CBFA2T2: variants seen among roughly 807,000 people sequenced by gnomAD.
The protein encoded by CBFA2T2 is protein CBFA2T2.
In CBFA2T2, 11 loss-of-function variants were observed where a neutral mutation model predicts 62.2. That is an observed-to-expected ratio of 0.18 (90% CI 0.11 to 0.29). The LOEUF is 0.29. CBFA2T2 is among the 10% of genes least tolerant of loss of function. The pLI is 1.00. For missense variants in CBFA2T2, 592 were observed against 774.1 expected (o/e 0.76, Z 2.79); for synonymous variants, 295 against 287.5 (o/e 1.03, Z -0.27).
In CBFA2T2 at chr20:33,625,517, A is replaced by C. The variant is rs74415419; in HGVS notation, c.946+500A>C. Reference sequence around the variant, plus strand: ...ATAAAGGGGTATCGCCTATTCTCAGATGGTTCAGAAGAAGAGAATGAAAAA... The same window carrying C: ...ATAAAGGGGTATCGCCTATTCTCAGCTGGTTCAGAAGAAGAGAATGAAAAA... On this transcript the variant is annotated intron_variant, in intron 6 of 10. Transcript: ENST00000342704. Among the ~76,000 whole-genome samples, 958 of 152,336 alleles carry C rather than the reference A, an allele frequency of 6.3e-3. 5 individuals are homozygous for C. The highest frequency in any genetic ancestry group is 0.022 in the African/African-American group (907 of 41,568).
rs2017185381 is a variant in CBFA2T2 at position 33,649,761 on chromosome 20, G to A, written c.*5115G>A. On this transcript the variant is annotated 3_prime_UTR_variant, in exon 11 of 11. Coordinates refer to ENST00000342704, the MANE Select transcript of CBFA2T2 (RefSeq NM_001032999.3). The stretch of plus-strand genomic sequence containing the variant: ...CCAACTTCCTGACGAGGCTACAAAG[G>A]CTCCGCTCACAAAAGAAAGCCAATA... The A allele has an allele frequency of 1.3e-5, 2 of 152,490 alleles. No individual in the cohort carries two copies. Among genetic ancestry groups the A allele is most frequent in the Non-Finnish European group, 2.9e-5 (2 of 68,028 alleles). 9.4% of individuals were successfully genotyped at this position (152,490 alleles called of 1,614,324 possible).
At chr20:33,505,773 C>G (rs1448867568) in intron 1 of CBFA2T2, among the ~76,000 whole-genome samples, 4 of 150,934 alleles carry the variant, frequency 2.7e-5, no homozygotes, top group Non-Finnish European at 4.4e-5. Context: ...AAGAGCGAAA[C>G]TCTTGTTTCA....
intron 8 of CBFA2T2, among the ~76,000 whole-genome samples, chr20:33,634,149 A>G (rs1313618467): frequency 6.6e-6 from 1 of 152,048 alleles, no homozygotes; most frequent in African/African-American, 2.4e-5. Context: ...TTGTATTTTT[A>G]GTAAAGACGG....
intron 1 of CBFA2T2, among the ~76,000 whole-genome samples, chr20:33,518,594 C>G (rs1212393225): frequency 6.9e-6 from 1 of 145,658 alleles, no homozygotes; most frequent in East Asian, 2.0e-4. Context: ...GAAACTCCCT[C>G]TACTAAAAAT....
At chr20:33,600,562 T>C in intron 1 of CBFA2T2, 1 of 313,186 alleles carries the variant, frequency 3.2e-6, no homozygotes, top group South Asian at 2.4e-5. Context: ...AGAGAGGCTA[T>C]GGTCCAGGAA....
intron 1 of CBFA2T2, among the ~76,000 whole-genome samples, chr20:33,594,230 C>CT (rs201508381): frequency 7.3e-4 from 110 of 151,372 alleles, no homozygotes; most frequent in African/African-American, 2.2e-3. Context: ...TCTTTCTTTT[C>CT]TTTTTTTTTG....
At chr20:33,566,458 T>G (rs539982074) in intron 1 of CBFA2T2, among the ~76,000 whole-genome samples, 1 of 152,084 alleles carries the variant, frequency 6.6e-6, no homozygotes, top group African/African-American at 2.4e-5. Flanking sequence ...ATACAAAAAT[T>G]AGCCGGGCGT....
chr20:33,584,344 C>A (rs2014268492), intron 1 of CBFA2T2, among the ~76,000 whole-genome samples: 1 of 150,794 alleles, frequency 6.6e-6, no homozygotes, highest in Non-Finnish European at 1.5e-5. Context: ...TGGCTCACTG[C>A]AAGCTCCACC....
At chr20:33,619,448 GA>G in intron 3 of CBFA2T2, 68 bp from the exon 4 acceptor site, 1 of 583,294 alleles carries the variant, frequency 1.7e-6, no homozygotes, top group Non-Finnish European at 2.7e-6. Flanking sequence ...AAAAAAAAAA[GA>G]AGAGTTTGGC....
intron 1 of CBFA2T2, among the ~76,000 whole-genome samples, chr20:33,576,694 G>A (rs1036553612): frequency 7.2e-5 from 11 of 152,272 alleles, no homozygotes; most frequent in African/African-American, 2.7e-4. Flanking sequence ...CCAGGAGGGC[G>A]CCAGCAAGGC....
chr20:33,544,980 T>TAGAACAGAACAGAAC (rs1377815951), intron 1 of CBFA2T2, among the ~76,000 whole-genome samples: 24 of 132,052 alleles, frequency 1.8e-4, no homozygotes, highest in African/African-American at 8.4e-4. Flanking sequence ...TAGAATAGAA[T>TAGAACAGAACAGAAC]AGAATAGAAT....
At chr20:33,540,484 A>G (rs966487906) in intron 1 of CBFA2T2, among the ~76,000 whole-genome samples, 1 of 152,198 alleles carries the variant, frequency 6.6e-6, no homozygotes, top group Non-Finnish European at 1.5e-5. Flanking sequence ...AAATATAGTA[A>G]TCTTATGGTA....
intron 1 of CBFA2T2, among the ~76,000 whole-genome samples, chr20:33,527,434 G>A (rs1436344168): frequency 1.4e-5 from 2 of 145,838 alleles, no homozygotes; most frequent in Admixed American, 7.1e-5. Flanking sequence ...GTGCAGTGGC[G>A]TGATCTTGGC....
chr20:33,550,251 C>G (rs2012701337), intron 1 of CBFA2T2, among the ~76,000 whole-genome samples: 1 of 152,116 alleles, frequency 6.6e-6, no homozygotes, highest in Non-Finnish European at 1.5e-5. Flanking sequence ...TACTTATTAG[C>G]AAAGTAGTCT....
chr20:33,532,424 G>C lies in CBFA2T2; in HGVS notation c.34+42123G>C, dbSNP rs766348148. On this transcript the variant is annotated intron_variant, in intron 1 of 10. Coordinates refer to ENST00000342704, the MANE Select transcript of CBFA2T2 (RefSeq NM_001032999.3). ...TGATCTCTGAGATAGCAGCATACCC[G>C]ATCTACTAGCTCTTTTTCACCAGGC... 1.1e-4 allele frequency among the ~76,000 whole-genome samples: 16 copies of C among 152,158 alleles called. 1 individual carries two copies. The highest frequency in any genetic ancestry group is 7.3e-5 in the Non-Finnish European group (5 of 68,032).
chr20:33,600,795 C>A (rs1171961224), intron 1 of CBFA2T2, among the ~76,000 whole-genome samples: 2 of 152,168 alleles, frequency 1.3e-5, no homozygotes, highest in Non-Finnish European at 2.9e-5. Context: ...TCCCTACCTT[C>A]ATCTCTGAAC....
In CBFA2T2 at chr20:33,628,364, T is replaced by C; in HGVS notation, c.961T>C (p.Tyr321His). ...RHHSLGLNGGYQDELVDHRLT... is the reference protein window; with the variant it reads ...RHHSLGLNGGHQDELVDHRLT... ...ATTTCTAATAGGTCTAAATGGAGGCTATCAAGATGAGTTGGTAGATCATCG... is the reference window on the plus strand; with the variant it reads ...ATTTCTAATAGGTCTAAATGGAGGCCATCAAGATGAGTTGGTAGATCATCG... Residue 321 changes from tyrosine (Y) to histidine (H), a missense_variant, in exon 7 of 11, where the codon TAT (tyrosine) becomes CAT (histidine). This residue lies in a region of CBFA2T2 where 449 missense variants were observed against 551.2 expected (regional missense o/e 0.81). Transcript: ENST00000342704. 1 of 1,611,376 alleles carries C rather than the reference T, an allele frequency of 6.2e-7. No individual in the cohort carries two copies. Among genetic ancestry groups the C allele is most frequent in the Non-Finnish European group, 8.5e-7 (1 of 1,177,460 alleles).
chr20:33,515,816 A>C (rs867599009), intron 1 of CBFA2T2, among the ~76,000 whole-genome samples: 1 of 151,632 alleles, frequency 6.6e-6, no homozygotes, highest in African/African-American at 2.4e-5. Context: ...AAAAAAAAAA[A>C]AAAAACGGGG....
At chr20:33,536,292 C>T (rs1303977489) in intron 1 of CBFA2T2, among the ~76,000 whole-genome samples, 1 of 144,028 alleles carries the variant, frequency 6.9e-6, no homozygotes, top group Non-Finnish European at 1.6e-5. Context: ...GCTGGCCGGG[C>T]GGGGGGCTGA....
Sources: gnomAD v4.1 joint callset for allele counts (sites outside exome capture counted in the v4.1 genomes callset) on GRCh38, gnomAD v4.1.1 for gene constraint, gnomAD v4.1.1 regional missense constraint, MANE v1.5 for transcripts, NCBI Gene and HGNC (gene_info 2026-07-23, HGNC 2026-07-21) for gene names.